Variants in CEP112 observed in about 807,000 individuals in gnomAD.
CEP112 encodes centrosomal protein of 112 kDa.
CEP112 carries 127 observed loss-of-function variants against 153.0 expected under a neutral mutation model. The ratio of observed to expected loss-of-function variants is 0.83; its 90% CI spans 0.72 to 0.96. The LOEUF (loss-of-function observed/expected upper bound fraction) is 0.96. CEP112 is among the 40% of genes least tolerant of loss of function. The pLI is 0.00. For synonymous variants in CEP112, 358 were observed against 374.4 expected, an observed-to-expected ratio of 0.96 and a Z score of 0.51; for missense variants, 1,089 against 1,101.2, an observed-to-expected ratio of 0.99 and a Z score of 0.16.
intron 22 of CEP112, among the ~76,000 whole-genome samples, chr17:65,745,491 T>TA (rs1342750434): frequency 6.6e-6 from 1 of 152,176 alleles, no homozygotes; most frequent in Non-Finnish European, 1.5e-5. Context: ...GAGCCAGGGA[T>TA]AAAAAAGAGT....
chr17:65,804,783 G>T (rs1227652601), intron 21 of CEP112, among the ~76,000 whole-genome samples: 5 of 152,000 alleles, frequency 3.3e-5, no homozygotes, highest in African/African-American at 1.2e-4. Context: ...CATATCCTCA[G>T]TATGATATTA....
chr17:65,863,563 C>G (rs1019980905), intron 20 of CEP112, among the ~76,000 whole-genome samples: 1 of 149,932 alleles, frequency 6.7e-6, no homozygotes, highest in Non-Finnish European at 1.5e-5. Flanking sequence ...GTCAGGAGAT[C>G]GAGACCACGG....
At chr17:65,655,857 C>T (rs2046038619) in intron 24 of CEP112, among the ~76,000 whole-genome samples, 1 of 152,134 alleles carries the variant, frequency 6.6e-6, no homozygotes, top group African/African-American at 2.4e-5. Context: ...CCTTTACTTC[C>T]TGATGGAGAT....
rs138792855 is a variant in CEP112, at chr17:66,035,929, C to CA, written c.1219-5907dup. Reference sequence around the variant, plus strand: ...AGTGTGATGGGGGAAAGTCAGCCTCCAAATACACATCCACACTGGGGAGCC... The same window carrying CA: ...AGTGTGATGGGGGAAAGTCAGCCTCCAAAATACACATCCACACTGGGGAGCC... On this transcript the variant is annotated intron_variant, in intron 12 of 26. Transcript: ENST00000535342. Among the ~76,000 whole-genome samples the CA allele has an allele frequency of 1.6e-4, 25 of 152,288 alleles. No homozygotes were observed. In the East Asian group the frequency reaches 4.6e-3, roughly 28 times the overall value.
At chr17:65,982,907 C>T (rs935617685) in intron 17 of CEP112, among the ~76,000 whole-genome samples, 1 of 152,144 alleles carries the variant, frequency 6.6e-6, no homozygotes, top group Admixed American at 6.5e-5. Context: ...ACAATATTTG[C>T]TGCACTGTAG....
chr17:65,910,941 A>G (rs1294492104), intron 19 of CEP112, among the ~76,000 whole-genome samples: 2 of 152,216 alleles, frequency 1.3e-5, no homozygotes, highest in Non-Finnish European at 2.9e-5. Flanking sequence ...GATAAATTTC[A>G]AGCAAGAGAT....
chr17:65,805,471 T>A (rs1245627016), intron 21 of CEP112, among the ~76,000 whole-genome samples: 1 of 152,200 alleles, frequency 6.6e-6, no homozygotes, highest in East Asian at 1.9e-4. Flanking sequence ...GATTTTATTG[T>A]AGGGAATCTT....
At chr17:66,060,760 A>G (rs1166579667) in intron 11 of CEP112, among the ~76,000 whole-genome samples, 2 of 152,188 alleles carry the variant, frequency 1.3e-5, no homozygotes, top group African/African-American at 4.8e-5. Flanking sequence ...TCGACGCAAA[A>G]TGAATTGAAA....
chr17:65,829,155 T>A (rs1301177891), intron 21 of CEP112, among the ~76,000 whole-genome samples: 1 of 152,222 alleles, frequency 6.6e-6, no homozygotes, highest in Non-Finnish European at 1.5e-5. Context: ...AGCATTTTCT[T>A]TATTACTTAT....
Position 66,130,639 on chromosome 17 carries a change from G to A in CEP112, c.565-816C>T, listed in dbSNP as rs555078033. ...AAATACAAAAAAATTAGCCGGGCGTGGTGGTGGGCACCTGTAATCCCAGCT... is the reference window on the plus strand; with the variant it reads ...AAATACAAAAAAATTAGCCGGGCGTAGTGGTGGGCACCTGTAATCCCAGCT... On this transcript the variant is annotated intron_variant, in intron 5 of 26. Transcript: ENST00000535342. 1.8e-4 allele frequency among the ~76,000 whole-genome samples: 28 copies of A among 152,078 alleles called. 2 individuals are homozygous for A. In the East Asian group the frequency reaches 4.5e-3, roughly 24 times the overall value.
chr17:65,936,098 G>A (rs909085406), intron 18 of CEP112, among the ~76,000 whole-genome samples: 1 of 152,042 alleles, frequency 6.6e-6, no homozygotes, highest in Non-Finnish European at 1.5e-5. Flanking sequence ...CAAAAACAAG[G>A]GAGAATTACG....
intron 8 of CEP112, among the ~76,000 whole-genome samples, chr17:66,089,672 T>C (rs1241694254): frequency 6.6e-6 from 1 of 151,988 alleles, no homozygotes; most frequent in Admixed American, 6.6e-5. Context: ...TGACGAAAGT[T>C]TACAGGACGT....
chr17:65,696,154 CT>C (rs1172818899), intron 23 of CEP112, among the ~76,000 whole-genome samples: 1 of 152,138 alleles, frequency 6.6e-6, no homozygotes, highest in Non-Finnish European at 1.5e-5. Flanking sequence ...TTCTTGCCCC[CT>C]TTTAGAGAGT....
At chr17:66,190,651 T>C (rs936461227) in intron 1 of CEP112, among the ~76,000 whole-genome samples, 1 of 152,160 alleles carries the variant, frequency 6.6e-6, no homozygotes, top group Non-Finnish European at 1.5e-5. Flanking sequence ...AAGAAGTAAA[T>C]TGGGTGACTC....
intron 8 of CEP112, among the ~76,000 whole-genome samples, chr17:66,086,681 G>A (rs2067951215): frequency 6.6e-6 from 1 of 151,572 alleles, no homozygotes; most frequent in Admixed American, 6.6e-5. Context: ...ACAGGCGTGA[G>A]CCACCGTGCC....
At position 66,132,757 on chromosome 17, in the gene CEP112, T is replaced by C; in HGVS notation, c.477A>G (p.Glu159=). 1 of 1,611,868 alleles carries C rather than the reference T, an allele frequency of 6.2e-7. No individual in the cohort carries two copies. Among genetic ancestry groups the C allele is most frequent in the South Asian group, 1.1e-5 (1 of 91,018 alleles). ...VQSPTDVYSR[E]QYTGKLRVRS... is the part of the protein sequence containing the mutation. Reference sequence around the variant, plus strand: ...TCACTCGGAGCTTCCCAGTGTACTGTTCCCTGCTAAGAGACCAAAATAATC... The same window carrying C: ...TCACTCGGAGCTTCCCAGTGTACTGCTCCCTGCTAAGAGACCAAAATAATC... The change falls in exon 5 of 27, where the codon GAA becomes GAG. Residue 159 remains glutamate, a synonymous_variant. Transcript: ENST00000535342.
At chr17:66,136,387 C>A (rs2070436232) in intron 4 of CEP112, among the ~76,000 whole-genome samples, 1 of 152,034 alleles carries the variant, frequency 6.6e-6, no homozygotes, top group Non-Finnish European at 1.5e-5. Context: ...CAAGTACTCA[C>A]AGGACTGGTA....
chr17:65,812,879 T>C (rs1221978617), intron 21 of CEP112, among the ~76,000 whole-genome samples: 3 of 152,208 alleles, frequency 2.0e-5, no homozygotes, highest in African/African-American at 2.4e-5. Context: ...AGAGTTTATA[T>C]AGAATAAAAG....
At chr17:66,185,678 C>A (rs73992265) in intron 1 of CEP112, among the ~76,000 whole-genome samples, 1 of 152,150 alleles carries the variant, frequency 6.6e-6, no homozygotes, top group Non-Finnish European at 1.5e-5. Flanking sequence ...TACATACACA[C>A]ACTACATGTT....
Sources: gnomAD v4.1 joint callset for allele counts (sites outside exome capture counted in the v4.1 genomes callset) on GRCh38, gnomAD v4.1.1 for gene constraint, MANE v1.5 for transcripts, NCBI Gene and HGNC (gene_info 2026-07-23, HGNC 2026-07-21) for gene names.